Variants in PGPEP1L observed in about 807,000 individuals in gnomAD.
PGPEP1L encodes the protein pyroglutamyl-peptidase I like, also known as pyroglutamyl-peptidase 1-like protein.
In PGPEP1L, 7 loss-of-function variants were observed where a neutral mutation model predicts 6.0. That is an observed-to-expected ratio of 1.17 (90% CI 0.66 to 2.19). The LOEUF is 2.19. Among genes scored for constraint, PGPEP1L ranks in the 30% most tolerant of loss-of-function variants. The pLI, the probability that PGPEP1L is intolerant of heterozygous loss-of-function variation, is 0.00. For synonymous variants in PGPEP1L, 103 were observed against 83.9 expected (o/e 1.23, Z -1.24); for missense variants, 209 against 192.5 (o/e 1.09, Z -0.51).
chr15:99,003,124 C>T (rs2017997881), intron 2 of PGPEP1L, among the ~76,000 whole-genome samples: 1 of 150,892 alleles, frequency 6.6e-6, no homozygotes, highest in Non-Finnish European at 1.5e-5. Flanking sequence ...TCAACCAAAT[C>T]CTTCAGAATA....
chr15:98,980,084 T>G (rs192366206), intron 2 of PGPEP1L, among the ~76,000 whole-genome samples: 6 of 152,272 alleles, frequency 3.9e-5, no homozygotes, highest in Admixed American at 3.9e-4. Flanking sequence ...TGGGTTCATG[T>G]ATACTGCTTG....
chr15:99,001,962 C>G (rs1364144504), intron 2 of PGPEP1L, among the ~76,000 whole-genome samples: 2 of 152,116 alleles, frequency 1.3e-5, no homozygotes, highest in African/African-American at 4.8e-5. Context: ...AGTGATCCAC[C>G]CCTCTGGGCT....
chr15:98,998,713 C>T (rs1555472697), intron 2 of PGPEP1L, among the ~76,000 whole-genome samples: 1 of 152,230 alleles, frequency 6.6e-6, no homozygotes, highest in Non-Finnish European at 1.5e-5. Context: ...CATGGTGGCT[C>T]ATGCCTGTAA....
At chr15:99,001,103 A>G in intron 2 of PGPEP1L, 1 of 428,612 alleles carries the variant, frequency 2.3e-6, no homozygotes. Flanking sequence ...TGAACCCACC[A>G]GAAGGAAGAA....
intron 2 of PGPEP1L, among the ~76,000 whole-genome samples, chr15:98,984,941 T>G (rs558078606): frequency 1.3e-5 from 2 of 152,226 alleles, no homozygotes; most frequent in African/African-American, 2.4e-5. Context: ...CCTGCCAGCC[T>G]AGGAAACTGC....
chr15:98,968,806 G>A (rs1829836997), intron 4 of PGPEP1L, 109 bp from the exon 5 acceptor site: 1 of 957,714 alleles, frequency 1.0e-6, no homozygotes, highest in African/African-American at 1.6e-5. Flanking sequence ...AGGGAGCACT[G>A]CCACCCAAGG....
chr15:98,988,004 T>TC (rs1401683757), intron 2 of PGPEP1L, among the ~76,000 whole-genome samples: 30 of 152,324 alleles, frequency 2.0e-4, no homozygotes, highest in African/African-American at 4.6e-4. Context: ...ACCAGGGGAT[T>TC]CCCTCCGGTG....
At chr15:98,984,562 C>T (rs772076030) in intron 2 of PGPEP1L, among the ~76,000 whole-genome samples, 29 of 152,168 alleles carry the variant, frequency 1.9e-4, no homozygotes, top group African/African-American at 9.6e-5. Context: ...TTTCTATATC[C>T]GTGTAATGGG....
chr15:99,003,270 G>A (rs1480275652), intron 2 of PGPEP1L, among the ~76,000 whole-genome samples: 2 of 149,208 alleles, frequency 1.3e-5, no homozygotes, highest in Non-Finnish European at 3.0e-5. Context: ...TAAAAATGCA[G>A]CAACACACAC....
chr15:98,969,507 C>A lies in PGPEP1L; in HGVS notation c.127G>T (p.Glu43Ter). 1.2e-6 allele frequency: 2 copies of A among 1,614,078 alleles called. No individual in the cohort carries two copies. ...VCLPGSPDVL[E>*]SGVCMKAVCK... ...ACTGCCTTCATGCAGACCCCTGACTCCAGCACGTCTGGGCTGCCAGGTAGG... is the reference window on the plus strand; with the variant it reads ...ACTGCCTTCATGCAGACCCCTGACTACAGCACGTCTGGGCTGCCAGGTAGG... Residue 43 changes from glutamate (E) to a stop codon, truncating the protein, a stop_gained, in exon 4 of 5, where the codon GAG (glutamate) becomes TAG (stop). Transcript: ENST00000535714. LOFTEE classifies it high-confidence loss of function.
chr15:99,005,911 G>A (rs1164630188), intron 1 of PGPEP1L, among the ~76,000 whole-genome samples: 1 of 152,140 alleles, frequency 6.6e-6, no homozygotes, highest in African/African-American at 2.4e-5. Flanking sequence ...CCTACAAGTC[G>A]TTTACTTAGA....
chr15:98,983,101 T>A lies in PGPEP1L; in HGVS notation c.-141-11943A>T, dbSNP rs753340620. Among the ~76,000 whole-genome samples the A allele has an allele frequency of 7.1e-4, 107 of 151,404 alleles. 2 individuals carry two copies. Among genetic ancestry groups the A allele is most frequent in the Non-Finnish European group, 2.4e-4 (16 of 67,938 alleles). On this transcript the variant is annotated intron_variant, in intron 2 of 4. Transcript: ENST00000535714. ...TGTCATATATGTGTTTGTATTCACCTAGGTTGGAAAAAGGTTTTGTCCTGG... is the reference window on the plus strand; with the variant it reads ...TGTCATATATGTGTTTGTATTCACCAAGGTTGGAAAAAGGTTTTGTCCTGG...
chr15:98,999,553 T>C (rs2017931774), intron 2 of PGPEP1L, among the ~76,000 whole-genome samples: 1 of 152,248 alleles, frequency 6.6e-6, no homozygotes, highest in Non-Finnish European at 1.5e-5. Flanking sequence ...GTGGATTTAC[T>C]AGCATTTGCA....
chr15:98,984,710 A>G (rs923809111), intron 2 of PGPEP1L, among the ~76,000 whole-genome samples: 2 of 152,160 alleles, frequency 1.3e-5, no homozygotes, highest in Non-Finnish European at 2.9e-5. Context: ...AGTGGATCCT[A>G]CAGACATGTT....
chr15:98,998,529 T>C (rs781831608), intron 2 of PGPEP1L, among the ~76,000 whole-genome samples: 6 of 152,162 alleles, frequency 3.9e-5, no homozygotes, highest in Non-Finnish European at 7.3e-5. Context: ...TTTGTTGACA[T>C]AGGTGCAAAA....
intron 2 of PGPEP1L, among the ~76,000 whole-genome samples, chr15:98,983,897 G>A (rs1038248135): frequency 6.6e-6 from 1 of 151,860 alleles, no homozygotes; most frequent in Non-Finnish European, 1.5e-5. Flanking sequence ...TTTGTTAAAA[G>A]CTCACCTCTC....
rs537421440 is a variant in PGPEP1L at position 98,982,211 on chromosome 15, TCCA to T, written c.-141-11056_-141-11054del. 2.5e-4 allele frequency among the ~76,000 whole-genome samples: 38 copies of T among 152,320 alleles called. No homozygotes were observed. The South Asian group carries it at 7.9e-3, about 32-fold the overall frequency. On this transcript the variant is annotated intron_variant, in intron 2 of 4. Transcript: ENST00000535714. Reference sequence around the variant, plus strand: ...CATGCATGTGGACCGTGGGGTCTCCTCCACCAAGGTGTGGATTCCATCTGCACT... The same window carrying T: ...CATGCATGTGGACCGTGGGGTCTCCTCCAAGGTGTGGATTCCATCTGCACT...
chr15:98,981,862 G>A (rs2017669003), intron 2 of PGPEP1L, among the ~76,000 whole-genome samples: 1 of 152,160 alleles, frequency 6.6e-6, no homozygotes. Flanking sequence ...GGAACAAGCT[G>A]GAGAGGCTGC....
At chr15:98,989,219 G>A (rs557291722) in intron 2 of PGPEP1L, among the ~76,000 whole-genome samples, 2 of 152,212 alleles carry the variant, frequency 1.3e-5, no homozygotes, top group African/African-American at 2.4e-5. Context: ...CCCAATGTAA[G>A]GAAGCTAAGA....
Sources: gnomAD v4.1 joint callset for allele counts (sites outside exome capture counted in the v4.1 genomes callset) on GRCh38, gnomAD v4.1.1 for gene constraint, MANE v1.5 for transcripts, NCBI Gene and HGNC (gene_info 2026-07-23, HGNC 2026-07-21) for gene names.